The following TMEM120B variants were observed in gnomAD, a reference collection of about 807,000 sequenced individuals.
TMEM120B encodes transmembrane protein 120B.
A neutral mutation model predicts 55.5 loss-of-function variants in TMEM120B; 31 were observed. The ratio of observed to expected loss-of-function variants is 0.56; its 90% CI spans 0.42 to 0.75. The LOEUF (loss-of-function observed/expected upper bound fraction) is 0.75. Ranked by LOEUF, TMEM120B falls within the 30% of genes least tolerant of loss-of-function variation. TMEM120B has a pLI of 0.00. For missense variants in TMEM120B, 399 were observed against 425.5 expected (o/e 0.94, Z 0.55); for synonymous variants, 203 against 176.3 (o/e 1.15, Z -1.20).
intron 1 of TMEM120B, among the ~76,000 whole-genome samples, chr12:121,719,825 G>C (rs1015934833): frequency 2.0e-5 from 3 of 152,038 alleles, no homozygotes; most frequent in South Asian, 2.1e-4. Flanking sequence ...CTCCTGAGTA[G>C]CTGTAGCTAG....
At position 121,739,617 on chromosome 12, in the gene TMEM120B, C is replaced by T. The variant is rs1009321974; in HGVS notation, c.70-4012C>T. The stretch of plus-strand genomic sequence containing the variant: ...CCTTCCGAGTAGCTGGGACTACAGG[C>T]GCCCGCCACCACACCTGGCTAATTT... On this transcript the variant is annotated intron_variant, in intron 1 of 11. Coordinates refer to ENST00000449592, the MANE Select transcript of TMEM120B (RefSeq NM_001080825.2). Among the ~76,000 whole-genome samples the T allele has an allele frequency of 4.6e-5, 7 of 151,838 alleles. No individual in the cohort carries two copies. In the South Asian group the frequency reaches 6.2e-4, roughly 14 times the overall value.
At chr12:121,729,639 GAA>G (rs780158144) in intron 1 of TMEM120B, among the ~76,000 whole-genome samples, 13 of 132,158 alleles carry the variant, frequency 9.8e-5, no homozygotes, top group Non-Finnish European at 8.3e-5. Context: ...ATCTCTACAA[GAA>G]AAAAAAAAAA....
intron 1 of TMEM120B, among the ~76,000 whole-genome samples, chr12:121,734,131 C>T (rs1295964994): frequency 2.7e-5 from 4 of 150,372 alleles, no homozygotes; most frequent in Non-Finnish European, 4.4e-5. Flanking sequence ...TTCTGTGGGT[C>T]AGGAATATAG....
At chr12:121,713,521 T>A (rs1894640231) in intron 1 of TMEM120B, among the ~76,000 whole-genome samples, 1 of 152,184 alleles carries the variant, frequency 6.6e-6, no homozygotes, top group African/African-American at 2.4e-5. Context: ...TGCTGCAGGC[T>A]GATTTTGGCG....
chr12:121,716,303 C>G (rs1174378206), intron 1 of TMEM120B, among the ~76,000 whole-genome samples: 2 of 142,102 alleles, frequency 1.4e-5, no homozygotes, highest in African/African-American at 2.8e-5. Flanking sequence ...GTTAGACCCT[C>G]TCTCTCAAAA....
At chr12:121,736,243 C>T (rs1008538579) in intron 1 of TMEM120B, among the ~76,000 whole-genome samples, 21 of 151,954 alleles carry the variant, frequency 1.4e-4, no homozygotes, top group African/African-American at 4.6e-4. Flanking sequence ...GGCGTGGTCT[C>T]AGCTCACTGC....
intron 1 of TMEM120B, among the ~76,000 whole-genome samples, chr12:121,721,135 G>T (rs993269377): frequency 1.3e-5 from 2 of 152,160 alleles, no homozygotes; most frequent in Non-Finnish European, 2.9e-5. Flanking sequence ...TAGGGAAGAT[G>T]CTCTGGGCAT....
At chr12:121,713,893 A>G (rs546580525) in intron 1 of TMEM120B, among the ~76,000 whole-genome samples, 2 of 152,134 alleles carry the variant, frequency 1.3e-5, no homozygotes, top group Non-Finnish European at 2.9e-5. Flanking sequence ...ATTGCACACT[A>G]TCACCCCAGT....
chr12:121,743,615 C>T lies in TMEM120B; in HGVS notation c.70-14C>T. 6.2e-7 allele frequency: 1 copy of T among 1,604,322 alleles called. No homozygotes were observed. The highest frequency in any genetic ancestry group is 8.5e-7 in the Non-Finnish European group (1 of 1,172,160). Reference sequence around the variant, plus strand: ...TTCTCCCACACACCCTCCCCCGGGTCCCCTGTTCTTCAGGAGACGCACAGG... The same window carrying T: ...TTCTCCCACACACCCTCCCCCGGGTTCCCTGTTCTTCAGGAGACGCACAGG... On this transcript the variant is annotated splice_polypyrimidine_tract_variant and intron_variant, in intron 1 of 11. Transcript: ENST00000449592.
chr12:121,743,719 C>T lies in TMEM120B; in HGVS notation c.160C>T (p.Leu54Phe). The change falls in exon 2 of 12, where the codon CTC becomes TTC. Residue 54 changes from leucine (L) to phenylalanine (F), a missense_variant. By Grantham distance (22) the Leu-to-Phe change is conservative. Transcript: ENST00000449592. ...SSSISKQKKH[L>F]KDLKLTLQRC... ...TTCCATCAGTAAGCAGAAGAAGCAC[C>T]TCAAGGACTTGAAGCTTACACTCCA... The T allele has an allele frequency of 6.2e-7, 1 of 1,613,450 alleles. No homozygotes were observed. The highest frequency in any genetic ancestry group is 1.1e-5 in the South Asian group (1 of 91,062).
At chr12:121,713,596 T>C (rs1391373859) in intron 1 of TMEM120B, among the ~76,000 whole-genome samples, 1 of 152,150 alleles carries the variant, frequency 6.6e-6, no homozygotes, top group Non-Finnish European at 1.5e-5. Flanking sequence ...AACTCCCAGC[T>C]CTATCCTTCT....
Position 121,761,688 on chromosome 12 carries a change from T to C in TMEM120B, c.501T>C (p.Tyr167=). 1 of 1,614,014 alleles carries C rather than the reference T, an allele frequency of 6.2e-7. No individual in the cohort carries two copies. The highest frequency in any genetic ancestry group is 1.1e-5 in the South Asian group (1 of 91,060). ...DEVFNFLLVW[Y]YCTLTIRESI... is the part of the protein sequence containing the mutation. ...TCTTCAACTTCCTGCTGGTGTGGTA[T>C]TACTGCACCCTGACCATTCGGGAGA... The change falls in exon 6 of 12, where the codon TAT becomes TAC. Residue 167 remains tyrosine (Y), a synonymous_variant. Transcript: ENST00000449592.
intron 8 of TMEM120B, among the ~76,000 whole-genome samples, chr12:121,772,827 C>T (rs1874108866): frequency 1.3e-5 from 2 of 152,206 alleles, no homozygotes. Context: ...TCAGCCCACC[C>T]TAGAGGTGAC....
intron 6 of TMEM120B, among the ~76,000 whole-genome samples, chr12:121,764,892 A>T (rs1873797943): frequency 6.6e-6 from 1 of 152,098 alleles, no homozygotes; most frequent in East Asian, 1.9e-4. Context: ...CTAACAGTTT[A>T]GCAGGAGCTG....
At chr12:121,730,639 G>A in intron 1 of TMEM120B, among the ~76,000 whole-genome samples, 1 of 107,270 alleles carries the variant, frequency 9.3e-6, no homozygotes, top group African/African-American at 3.6e-5. Context: ...GACAGAGCGA[G>A]ACACAGTCAA....
rs1874429403 is a variant in TMEM120B, at chr12:121,780,928, T to C, written c.*5206T>C. The C allele has an allele frequency of 6.2e-7, 1 of 1,613,908 alleles. No individual in the cohort carries two copies. The highest frequency in any genetic ancestry group is 1.3e-5 in the African/African-American group (1 of 74,918). ...GCCCGGAGCTTCCGCAGCTGCTCCT[T>C]GTCCTTCCTCAGGTCTGTCTTGCAG... On this transcript the variant is annotated 3_prime_UTR_variant, in exon 12 of 12. Transcript: ENST00000449592.
chr12:121,770,893 C>T lies in TMEM120B; in HGVS notation c.552-14C>T. The T allele has an allele frequency of 6.2e-7, 1 of 1,613,940 alleles. No homozygotes were observed. Among genetic ancestry groups the T allele is most frequent in the Non-Finnish European group, 8.5e-7 (1 of 1,179,898 alleles). ...TCCCCTCCTGAGCACTTTCCGTTCT[C>T]TCCCTCTCCCGAGAATTAAAGGCTG... On this transcript the variant is annotated splice_polypyrimidine_tract_variant and intron_variant, in intron 6 of 11. Transcript: ENST00000449592.
intron 1 of TMEM120B, among the ~76,000 whole-genome samples, chr12:121,714,151 A>G (rs1894651345): frequency 6.6e-6 from 1 of 152,138 alleles, no homozygotes; most frequent in Non-Finnish European, 1.5e-5. Context: ...CCTGTCCAGC[A>G]TGTGTAGGTT....
chr12:121,775,368 G>A lies in TMEM120B; in HGVS notation c.906+238G>A, dbSNP rs374762220. 1.1e-6 allele frequency: 1 copy of A among 943,240 alleles called. No homozygotes were observed. Among genetic ancestry groups the A allele is most frequent in the South Asian group, 4.9e-5 (1 of 20,488 alleles). 58.4% of individuals were successfully genotyped at this position (943,240 alleles called of 1,614,324 possible). A position where few individuals can be genotyped will look rare whatever the true frequency, so the allele number is the denominator to read the frequency against. On this transcript the variant is annotated intron_variant, in intron 11 of 11. Transcript: ENST00000449592. This position sits in a 1 kb window ranked among gnomAD's most constrained non-coding sequence, Gnocchi z 4.3. ...TGGCGGGAGGCTTCTGGAAGGGCTA[G>A]GGGTGGAGCCTCTCCCAATCTGTGG...
Sources: allele counts gnomAD v4.1 joint callset (sites outside exome capture counted in the v4.1 genomes callset), GRCh38; gene constraint gnomAD v4.1.1; non-coding constraint Gnocchi (gnomAD v3.1); transcripts MANE v1.5; gene names NCBI Gene and HGNC (gene_info 2026-07-23, HGNC 2026-07-21).